Variants in CNTN5 observed in about 807,000 individuals in gnomAD.
The protein encoded by CNTN5 is contactin-5.
Under a neutral mutation model 129.1 loss-of-function variants are expected in CNTN5, and 77 were observed. That is an observed-to-expected ratio of 0.60 (90% CI 0.50 to 0.72). The LOEUF is 0.72. Ranked by LOEUF, CNTN5 falls within the 30% of genes least tolerant of loss-of-function variation. The pLI, the probability that CNTN5 is intolerant of heterozygous loss-of-function variation, is 0.00. For synonymous variants in CNTN5, 509 were observed against 465.6 expected (o/e 1.09, Z -1.20); for missense variants, 1,478 against 1,328.8 (o/e 1.11, Z -1.75).
intron 2 of CNTN5, among the ~76,000 whole-genome samples, chr11:99,385,800 G>A (rs572415124): frequency 3.3e-5 from 5 of 152,164 alleles, no homozygotes; most frequent in African/African-American, 1.2e-4. Flanking sequence ...TCTTTCCACA[G>A]TGCATCCTGT....
At chr11:99,957,734 T>A (rs1175260426) in intron 8 of CNTN5, among the ~76,000 whole-genome samples, 1 of 152,112 alleles carries the variant, frequency 6.6e-6, no homozygotes, top group Non-Finnish European at 1.5e-5. Context: ...ACTTAAAAAA[T>A]AATCTATTTA....
chr11:100,105,786 G>C (rs1279210812), intron 13 of CNTN5, among the ~76,000 whole-genome samples: 1 of 151,662 alleles, frequency 6.6e-6, no homozygotes, highest in Non-Finnish European at 1.5e-5. Flanking sequence ...AATCCTCCCA[G>C]CCAGGTCTTC....
intron 1 of CNTN5, among the ~76,000 whole-genome samples, chr11:99,106,331 T>C (rs1045186103): frequency 2.6e-5 from 4 of 152,084 alleles, no homozygotes; most frequent in Admixed American, 6.6e-5. Context: ...TACTCAAACA[T>C]ATGCTTAAGT....
At chr11:100,183,719 A>G (rs980599409) in intron 13 of CNTN5, among the ~76,000 whole-genome samples, 15 of 152,142 alleles carry the variant, frequency 9.9e-5, no homozygotes, top group Admixed American at 9.8e-4. Context: ...ATGACTACAG[A>G]CATACAGGAA....
At chr11:100,197,251 G>T (rs192027777) in intron 15 of CNTN5, among the ~76,000 whole-genome samples, 1 of 152,100 alleles carries the variant, frequency 6.6e-6, no homozygotes, top group Non-Finnish European at 1.5e-5. Flanking sequence ...TGTTGAATAA[G>T]TTTAAAGGAA....
At chr11:99,794,045 T>C (rs747487179) in intron 3 of CNTN5, among the ~76,000 whole-genome samples, 5 of 152,206 alleles carry the variant, frequency 3.3e-5, no homozygotes, top group Non-Finnish European at 7.3e-5. Context: ...TATGTGGTTA[T>C]CTGCATCTCT....
chr11:99,875,698 C>T (rs1185061031), intron 6 of CNTN5, among the ~76,000 whole-genome samples: 3 of 151,890 alleles, frequency 2.0e-5, no homozygotes, highest in Non-Finnish European at 4.4e-5. Context: ...GTAACTCTTT[C>T]CAAATTGTCT....
At chr11:99,564,345 C>T (rs921102674) in intron 3 of CNTN5, among the ~76,000 whole-genome samples, 1 of 152,054 alleles carries the variant, frequency 6.6e-6, no homozygotes, top group Admixed American at 6.5e-5. Context: ...GCCCAGGCCT[C>T]CTAAAGTGCT....
chr11:99,319,776 A>C (rs542750144), intron 1 of CNTN5, among the ~76,000 whole-genome samples: 1 of 152,288 alleles, frequency 6.6e-6, no homozygotes, highest in East Asian at 1.9e-4. Context: ...TTCATCATGA[A>C]GAAAACTTTG....
chr11:100,190,649 A>G (rs1332625392), intron 13 of CNTN5, among the ~76,000 whole-genome samples: 5 of 152,130 alleles, frequency 3.3e-5, no homozygotes, highest in African/African-American at 1.2e-4. Context: ...GGCAACGCAG[A>G]ATAACTGCCA....
intron 8 of CNTN5, among the ~76,000 whole-genome samples, chr11:99,958,599 G>C (rs561252207): frequency 9.2e-5 from 14 of 152,140 alleles, no homozygotes; most frequent in Non-Finnish European, 1.9e-4. Context: ...CATCACCATA[G>C]AATAATGTGT....
intron 1 of CNTN5, among the ~76,000 whole-genome samples, chr11:99,115,943 T>A (rs924369950): frequency 3.9e-5 from 6 of 152,144 alleles, no homozygotes; most frequent in African/African-American, 1.2e-4. Context: ...TTAAATAGGC[T>A]CATTTGTGAA....
At chr11:99,567,457 G>C (rs1338243689) in intron 3 of CNTN5, among the ~76,000 whole-genome samples, 1 of 151,838 alleles carries the variant, frequency 6.6e-6, no homozygotes. Flanking sequence ...CTGCCAAGAT[G>C]ATGATGTACT....
chr11:99,468,221 C>G (rs1945021017), intron 2 of CNTN5, among the ~76,000 whole-genome samples: 1 of 152,112 alleles, frequency 6.6e-6, no homozygotes, highest in East Asian at 1.9e-4. Context: ...TATTAATTCC[C>G]TTTCTAGTGT....
At chr11:99,687,719 A>C (rs781369366) in intron 3 of CNTN5, among the ~76,000 whole-genome samples, 4 of 152,182 alleles carry the variant, frequency 2.6e-5, no homozygotes, top group Non-Finnish European at 5.9e-5. Flanking sequence ...GGAACATAAG[A>C]TTCTGCTGCC....
chr11:100,332,583 T>C (rs937981758), intron 21 of CNTN5, among the ~76,000 whole-genome samples: 9 of 151,566 alleles, frequency 5.9e-5, no homozygotes, highest in Non-Finnish European at 1.2e-4. Flanking sequence ...GCAAAAATCC[T>C]TATGTCAAAA....
At chr11:99,722,428 G>A (rs755742905) in intron 3 of CNTN5, among the ~76,000 whole-genome samples, 2 of 152,044 alleles carry the variant, frequency 1.3e-5, no homozygotes, top group Non-Finnish European at 2.9e-5. Context: ...GGAGCTAAAT[G>A]ATGAGAACTT....
intron 1 of CNTN5, among the ~76,000 whole-genome samples, chr11:99,232,737 G>A (rs1861068081): frequency 6.6e-6 from 1 of 152,128 alleles, no homozygotes; most frequent in Non-Finnish European, 1.5e-5. Context: ...ATTGGTAACT[G>A]CCAAAATGTC....
chr11:100,000,341 C>T (rs902496262), intron 8 of CNTN5, among the ~76,000 whole-genome samples: 1 of 152,142 alleles, frequency 6.6e-6, no homozygotes, highest in Non-Finnish European at 1.5e-5. Context: ...AAAGAGGCCA[C>T]AGGCCACATG....
Sources: allele counts gnomAD v4.1 joint callset (sites outside exome capture counted in the v4.1 genomes callset), GRCh38; gene constraint gnomAD v4.1.1; transcripts MANE v1.5; gene names NCBI Gene and HGNC (gene_info 2026-07-23, HGNC 2026-07-21).